ACCSL: variants seen among roughly 807,000 people sequenced by gnomAD.
ACCSL encodes the protein probable inactive 1-aminocyclopropane-1-carboxylate synthase-like protein 2.
In ACCSL, 55 loss-of-function variants were observed where a neutral mutation model predicts 61.7. The observed-to-expected ratio is 0.89, with a 90% confidence interval of 0.72 to 1.12. ACCSL has a LOEUF of 1.12. Among genes scored for constraint, ACCSL ranks in the 50% most tolerant of loss-of-function variants. The pLI is 0.00. For missense variants in ACCSL, 632 were observed against 698.0 expected (o/e 0.91, Z 1.07); for synonymous variants, 258 against 264.3 (o/e 0.98, Z 0.23).
At chr11:43,975,033 T>C in the ACCSL span, among the ~76,000 whole-genome samples, 3 of 152,172 alleles carry the variant, frequency 2.0e-5, no homozygotes, top group Admixed American at 2.0e-4. Context: ...GGTGTTATCA[T>C]AAAAACTACC....
Position 44,048,475 on chromosome 11 carries a change from C to A in ACCSL, c.439C>A (p.Gln147Lys), listed in dbSNP as rs1044060577. 1.9e-6 allele frequency: 3 copies of A among 1,611,006 alleles called. No individual in the cohort carries two copies. Among genetic ancestry groups the A allele is most frequent in the Non-Finnish European group, 2.5e-6 (3 of 1,179,818 alleles). Residue 147 changes from glutamine to lysine, a missense_variant, in exon 1 of 14, where the codon CAG becomes AAG. Coordinates refer to ENST00000378832, the MANE Select transcript of ACCSL (RefSeq NM_001031854.2). ...TGGGATTGACATCTCTGTCTTTTAT[C>A]AGTCGAGCTTCCAGGACTACAATGC... ...IRGIDISVFYQSSFQDYNAYQ... is the reference protein window; with the variant it reads ...IRGIDISVFYKSSFQDYNAYQ...
chr11:43,943,370 C>T, the ACCSL span: 3 of 1,388,956 alleles, frequency 2.2e-6, no homozygotes, highest in African/African-American at 3.1e-5. The surrounding 1 kb of genome is among the most constrained non-coding windows in gnomAD (Gnocchi z 4.8). Flanking sequence ...CCGGGGGACC[C>T]GCAAGGACCC....
At chr11:43,942,546 C>T in the ACCSL span, 2 of 266,130 alleles carry the variant, frequency 7.5e-6, no homozygotes, top group Non-Finnish European at 1.5e-5. Flanking sequence ...GCGGGGCGCG[C>T]ACGCTTTAAA....
chr11:44,010,641 A>G, the ACCSL span, among the ~76,000 whole-genome samples: 1 of 152,188 alleles, frequency 6.6e-6, no homozygotes, highest in Non-Finnish European at 1.5e-5. Context: ...GAAGTCTCCA[A>G]TCCCAGGTAG....
the ACCSL span, among the ~76,000 whole-genome samples, chr11:43,994,161 A>AT: frequency 2.0e-5 from 3 of 152,208 alleles, no homozygotes; most frequent in Non-Finnish European, 4.4e-5. Flanking sequence ...TAAAGACAGT[A>AT]TTTTTTGCAT....
the ACCSL span, among the ~76,000 whole-genome samples, chr11:43,997,467 C>T: frequency 6.6e-6 from 1 of 152,190 alleles, no homozygotes; most frequent in Admixed American, 6.5e-5. Flanking sequence ...GCTAAGTCAG[C>T]TGCAACCTGT....
chr11:44,039,342 T>C, the ACCSL span, among the ~76,000 whole-genome samples: 2 of 152,122 alleles, frequency 1.3e-5, no homozygotes, highest in Non-Finnish European at 2.9e-5. Flanking sequence ...AATGAATTAA[T>C]GGCAATCACA....
the ACCSL span, chr11:43,943,650 C>T: frequency 7.7e-6 from 10 of 1,305,182 alleles, no homozygotes; most frequent in Non-Finnish European, 1.0e-5. This position sits in a 1 kb window ranked among gnomAD's most constrained non-coding sequence, Gnocchi z 4.8. Context: ...CCACCGTGCC[C>T]CCCAGCGCAC....
the ACCSL span, among the ~76,000 whole-genome samples, chr11:43,936,444 C>T: frequency 7.2e-5 from 11 of 152,090 alleles, no homozygotes; most frequent in East Asian, 9.7e-4. Flanking sequence ...CTGTGCTAGG[C>T]GCTTTCCTAC....
the ACCSL span, among the ~76,000 whole-genome samples, chr11:44,013,767 A>AAAAACAAAAACAAT: frequency 6.6e-6 from 1 of 152,078 alleles, no homozygotes; most frequent in African/African-American, 2.4e-5. Flanking sequence ...ACAAAAACAA[A>AAAAACAAAAACAAT]AAAACAGGAC....
chr11:43,992,287 A>G, the ACCSL span, among the ~76,000 whole-genome samples: 1 of 151,774 alleles, frequency 6.6e-6, no homozygotes, highest in Non-Finnish European at 1.5e-5. Context: ...TTCTGAGCTC[A>G]GGCGATCCCC....
At chr11:44,051,480 G>A in intron 4 of ACCSL, 76 bp downstream of exon 4, 1 of 1,584,122 alleles carries the variant, frequency 6.3e-7, no homozygotes, top group Non-Finnish European at 8.7e-7. Flanking sequence ...CCTTTCTAGG[G>A]GGTACAAGGA....
the ACCSL span, among the ~76,000 whole-genome samples, chr11:43,928,256 A>G: frequency 3.9e-5 from 6 of 152,116 alleles, no homozygotes; most frequent in Non-Finnish European, 5.9e-5. Flanking sequence ...CAGGAGTCCA[A>G]GTTTGAGGCT....
At chr11:43,924,642 C>T in the ACCSL span, among the ~76,000 whole-genome samples, 1 of 152,242 alleles carries the variant, frequency 6.6e-6, no homozygotes, top group Non-Finnish European at 1.5e-5. Flanking sequence ...AGAAGGGCCA[C>T]CTCGCAGGAA....
At chr11:43,943,265 G>A in the ACCSL span, 5 of 1,500,352 alleles carry the variant, frequency 3.3e-6, no homozygotes, top group Non-Finnish European at 4.4e-6. This position sits in a 1 kb window ranked among gnomAD's most constrained non-coding sequence, Gnocchi z 4.8. Context: ...CTCCGACTCG[G>A]CCCTGTAAGG....
the ACCSL span, among the ~76,000 whole-genome samples, chr11:43,928,458 ACAGT>A: frequency 6.6e-6 from 1 of 152,174 alleles, no homozygotes; most frequent in Non-Finnish European, 1.5e-5. Flanking sequence ...CTCCATGACC[ACAGT>A]CAGACTTCTT....
chr11:44,058,814 C>T, intron 13 of ACCSL, 115 bp downstream of exon 13: 1 of 1,280,904 alleles, frequency 7.8e-7, no homozygotes, highest in Admixed American at 2.7e-5. Flanking sequence ...TCCCTGTTTC[C>T]ATGTCTATCT....
At chr11:43,942,407 G>C in the ACCSL span, 1 of 205,888 alleles carries the variant, frequency 4.9e-6, no homozygotes, top group Non-Finnish European at 1.0e-5. Flanking sequence ...CGTGCTCCGG[G>C]GCCGCGGCTT....
the ACCSL span, among the ~76,000 whole-genome samples, chr11:43,956,309 C>A: frequency 3.3e-5 from 5 of 152,152 alleles, 1 homozygote; most frequent in Non-Finnish European, 7.4e-5. Flanking sequence ...TACAGAAAAA[C>A]CTTTAGGCTG....
Sources: gnomAD v4.1 joint callset for allele counts (sites outside exome capture counted in the v4.1 genomes callset) on GRCh38, gnomAD v4.1.1 for gene constraint, Gnocchi (gnomAD v3.1) non-coding constraint, MANE v1.5 for transcripts, NCBI Gene and HGNC (gene_info 2026-07-23, HGNC 2026-07-21) for gene names.